GPC5: variants seen among roughly 807,000 people sequenced by gnomAD.
The protein encoded by GPC5 is glypican 5.
A neutral mutation model predicts 53.9 loss-of-function variants in GPC5; 47 were observed. The ratio of observed to expected loss-of-function variants is 0.87; its 90% CI spans 0.69 to 1.11. The LOEUF is 1.11. GPC5 is among the 50% of genes most tolerant of loss of function. The pLI, the probability that GPC5 is intolerant of heterozygous loss-of-function variation, is 0.00. For synonymous variants in GPC5, 286 were observed against 263.3 expected (o/e 1.09, Z -0.84); for missense variants, 748 against 713.1 (o/e 1.05, Z -0.56).
intron 7 of GPC5, among the ~76,000 whole-genome samples, chr13:92,818,795 A>G (rs562467507): frequency 2.0e-5 from 3 of 152,026 alleles, no homozygotes; most frequent in Non-Finnish European, 4.4e-5. Context: ...TGACTAGAAC[A>G]GAATGAGAAG....
chr13:91,695,047 A>G (rs2035850482), intron 3 of GPC5, among the ~76,000 whole-genome samples: 1 of 152,168 alleles, frequency 6.6e-6, no homozygotes. Context: ...GTGAGCCTTT[A>G]TGGTTCCTTT....
At chr13:91,648,750 T>C (rs866967309) in intron 2 of GPC5, among the ~76,000 whole-genome samples, 53 of 152,126 alleles carry the variant, frequency 3.5e-4, no homozygotes, top group Non-Finnish European at 5.6e-4. Context: ...ACCATTGATT[T>C]TCTCATAAAT....
At chr13:92,390,408 A>T (rs986091862) in intron 7 of GPC5, among the ~76,000 whole-genome samples, 3 of 152,148 alleles carry the variant, frequency 2.0e-5, no homozygotes, top group Non-Finnish European at 4.4e-5. Flanking sequence ...TTTCAAAAAC[A>T]TAAGCTGATT....
At chr13:91,431,976 G>A (rs9556087) in intron 1 of GPC5, among the ~76,000 whole-genome samples, 101,873 of 152,022 alleles carry the variant, frequency 0.67, 34,823 homozygotes, top group African/African-American at 0.8. Context: ...TGTGCCAGAT[G>A]GTTCAGAATA....
chr13:91,560,215 G>T (rs575002657), intron 2 of GPC5, among the ~76,000 whole-genome samples: 103 of 152,246 alleles, frequency 6.8e-4, no homozygotes, highest in Middle Eastern at 3.4e-3. Flanking sequence ...GAGTGGATTT[G>T]TCAAGTGATA....
At chr13:92,811,405 C>T (rs1877294863) in intron 7 of GPC5, among the ~76,000 whole-genome samples, 1 of 151,848 alleles carries the variant, frequency 6.6e-6, no homozygotes, top group Non-Finnish European at 1.5e-5. Flanking sequence ...TTGTAAGGTG[C>T]TTATTAACCA....
At chr13:92,608,991 A>G (rs1884347284) in intron 7 of GPC5, among the ~76,000 whole-genome samples, 1 of 151,842 alleles carries the variant, frequency 6.6e-6, no homozygotes, top group Non-Finnish European at 1.5e-5. Context: ...GTCTTGAAAA[A>G]CTGTTATTGT....
intron 2 of GPC5, among the ~76,000 whole-genome samples, chr13:91,613,964 A>C (rs139670099): frequency 6.6e-6 from 1 of 152,220 alleles, no homozygotes; most frequent in East Asian, 1.9e-4. Context: ...AAACAAGACC[A>C]TGAAGTTGCA....
chr13:92,785,948 G>A (rs141364477), intron 7 of GPC5, among the ~76,000 whole-genome samples: 1,944 of 152,248 alleles, frequency 0.013, 37 homozygotes, highest in African/African-American at 0.044. Context: ...GAAGTTACAC[G>A]TAAATATTAG....
intron 7 of GPC5, among the ~76,000 whole-genome samples, chr13:92,720,792 C>T (rs1025146977): frequency 1.3e-5 from 2 of 152,044 alleles, no homozygotes; most frequent in African/African-American, 2.4e-5. Context: ...AGATGGCAAA[C>T]TTGTGCAAAG....
At chr13:92,252,064 CTG>C (rs2042696313) in intron 7 of GPC5, among the ~76,000 whole-genome samples, 2 of 152,062 alleles carry the variant, frequency 1.3e-5, no homozygotes, top group African/African-American at 4.8e-5. Flanking sequence ...GATAAAGTAT[CTG>C]AGAAAGGATA....
At chr13:92,778,519 A>C (rs2138758437) in intron 7 of GPC5, among the ~76,000 whole-genome samples, 1 of 152,326 alleles carries the variant, frequency 6.6e-6, no homozygotes, top group Non-Finnish European at 1.5e-5. Flanking sequence ...TATTTAAGAA[A>C]CAGATAACAT....
rs1452917092 is a variant in GPC5 at position 92,789,244 on chromosome 13, TA to T, written c.1562-77037del. On this transcript the variant is annotated intron_variant, in intron 7 of 7. Coordinates refer to ENST00000377067, the MANE Select transcript of GPC5 (RefSeq NM_004466.6). ...TCCACTGTTCTCATGAGGCCCTTGT[TA>T]GGGGGGTCAGTTGTCTTCATGTACA... 9.9e-5 allele frequency among the ~76,000 whole-genome samples: 15 copies of T among 152,178 alleles called. No individual in the cohort carries two copies. The East Asian group carries it at 2.9e-3, about 30-fold the overall frequency.
chr13:92,407,865 T>C (rs1021048078), intron 7 of GPC5, among the ~76,000 whole-genome samples: 1 of 152,168 alleles, frequency 6.6e-6, no homozygotes, highest in African/African-American at 2.4e-5. Context: ...TAATAACTAA[T>C]GAAAAGTAAT....
chr13:92,532,664 A>G (rs961786696), intron 7 of GPC5, among the ~76,000 whole-genome samples: 1 of 152,110 alleles, frequency 6.6e-6, no homozygotes, highest in Non-Finnish European at 1.5e-5. Flanking sequence ...TTATTCAGGG[A>G]TTTGTAAAAT....
chr13:92,523,381 G>C (rs1288950647), intron 7 of GPC5, among the ~76,000 whole-genome samples: 6 of 151,964 alleles, frequency 3.9e-5, no homozygotes, highest in Non-Finnish European at 7.4e-5. Flanking sequence ...TCCTTTTATA[G>C]CAAAAATGTT....
chr13:92,655,334 ATTTTTATTTTATTT>A (rs1886094789), intron 7 of GPC5, among the ~76,000 whole-genome samples: 6 of 116,576 alleles, frequency 5.1e-5, no homozygotes, highest in Non-Finnish European at 1.1e-4. Context: ...TATTTATTTT[ATTTTTATTTTATTT>A]TTTGAGACAG....
At chr13:92,446,270 T>C (rs1307297944) in intron 7 of GPC5, among the ~76,000 whole-genome samples, 3 of 151,826 alleles carry the variant, frequency 2.0e-5, no homozygotes, top group African/African-American at 7.3e-5. Flanking sequence ...CAGCCTCTGG[T>C]AACCATCTTT....
intron 7 of GPC5, among the ~76,000 whole-genome samples, chr13:92,271,212 T>G (rs1486308877): frequency 6.6e-6 from 1 of 152,246 alleles, no homozygotes. Flanking sequence ...TGCCAGGGCA[T>G]GCCATCTACT....
Sources: allele counts gnomAD v4.1 joint callset (sites outside exome capture counted in the v4.1 genomes callset), GRCh38; gene constraint gnomAD v4.1.1; transcripts MANE v1.5; gene names NCBI Gene and HGNC (gene_info 2026-07-23, HGNC 2026-07-21).